Variants in VAV2 observed in about 807,000 individuals in gnomAD.
VAV2 encodes vav guanine nucleotide exchange factor 2, also known as guanine nucleotide exchange factor VAV2.
In VAV2, 67 loss-of-function variants were observed where a neutral mutation model predicts 132.5. The observed-to-expected ratio is 0.51, with a 90% CI of 0.42 to 0.62. The LOEUF (loss-of-function observed/expected upper bound fraction) is 0.62, where lower values mean the gene tolerates loss of function less well. VAV2 is among the 20% of genes least tolerant of loss of function. The probability of loss-of-function intolerance (pLI) is 0.00; values close to 1 mark genes in which losing one functional copy is unlikely to be tolerated. For missense variants in VAV2, 938 were observed against 1,153.6 expected, an observed-to-expected ratio of 0.81 and a Z score of 2.71; for synonymous variants, 492 against 443.5, an observed-to-expected ratio of 1.11 and a Z score of -1.37.
intron 3 of VAV2, among the ~76,000 whole-genome samples, chr9:133,837,872 G>A (rs1346838313): frequency 1.3e-5 from 2 of 152,070 alleles, no homozygotes; most frequent in African/African-American, 4.8e-5. Context: ...AAAGTCCAAA[G>A]AATTATACTG....
chr9:133,799,770 TC>T (rs747666564), intron 9 of VAV2, among the ~76,000 whole-genome samples: 168 of 151,928 alleles, frequency 1.1e-3, no homozygotes, highest in Non-Finnish European at 2.0e-3. Flanking sequence ...AAAAGGGTTT[TC>T]CCCTTTTAAA....
intron 2 of VAV2, among the ~76,000 whole-genome samples, chr9:133,886,894 G>A (rs75289614): frequency 0.014 from 2,078 of 152,350 alleles, 45 homozygotes; most frequent in African/African-American, 0.047. Flanking sequence ...AGGAAAAGGT[G>A]TGTTCCACTC....
chr9:133,821,629 C>T (rs926670175), intron 4 of VAV2, among the ~76,000 whole-genome samples: 1 of 152,228 alleles, frequency 6.6e-6, no homozygotes, highest in Non-Finnish European at 1.5e-5. Flanking sequence ...ATAGTGTGGT[C>T]AGCATTAAAA....
intron 1 of VAV2, among the ~76,000 whole-genome samples, chr9:133,948,841 G>A (rs989715555): frequency 6.6e-6 from 1 of 152,234 alleles, no homozygotes; most frequent in Non-Finnish European, 1.5e-5. Flanking sequence ...TCTACAGGTG[G>A]AGAAACGGCT....
chr9:133,815,192 G>A (rs1835510751), intron 4 of VAV2, among the ~76,000 whole-genome samples: 1 of 151,950 alleles, frequency 6.6e-6, no homozygotes, highest in African/African-American at 2.4e-5. Flanking sequence ...TCCCCCGCCC[G>A]CCTCCCTCTT....
intron 16 of VAV2, among the ~76,000 whole-genome samples, chr9:133,786,328 C>A (rs1019207623): frequency 3.9e-5 from 6 of 152,136 alleles, no homozygotes; most frequent in Admixed American, 3.9e-4. Flanking sequence ...GATGCACATG[C>A]ACCCATGCTG....
At chr9:133,865,292 G>C (rs187388045) in intron 2 of VAV2, among the ~76,000 whole-genome samples, 1 of 152,132 alleles carries the variant, frequency 6.6e-6, no homozygotes, top group African/African-American at 2.4e-5. Flanking sequence ...TGGCCTTCTG[G>C]AAAGAACCCA....
At chr9:133,859,735 G>A (rs1837524989) in intron 3 of VAV2, among the ~76,000 whole-genome samples, 1 of 151,896 alleles carries the variant, frequency 6.6e-6, no homozygotes, top group African/African-American at 2.4e-5. Context: ...CATCATTTCT[G>A]GAAACAAAAA....
rs917429886 is a variant in VAV2 at position 133,857,733 on chromosome 9, G to A, written c.380+3641C>T. On this transcript the variant is annotated intron_variant, in intron 3 of 29. Transcript: ENST00000371850. The surrounding 1 kb of genome is among the most constrained non-coding windows in gnomAD (Gnocchi z 4.0). The stretch of plus-strand genomic sequence containing the variant: ...ATTGCTCAGACGCAGCCACCAAGTG[G>A]GGCTGCCTGGGAGGGTTGCCTGTCA... Among the ~76,000 whole-genome samples, 2 of 152,334 alleles carry A rather than the reference G, an allele frequency of 1.3e-5. No individual in the cohort carries two copies. The highest frequency in any genetic ancestry group is 3.4e-3 in the Middle Eastern group (1 of 294).
At chr9:133,845,301 CCGCATGGCACG>C (rs1471454988) in intron 3 of VAV2, among the ~76,000 whole-genome samples, 1 of 152,246 alleles carries the variant, frequency 6.6e-6, no homozygotes, top group Non-Finnish European at 1.5e-5. Flanking sequence ...GAGGAACAGC[CCGCATGGCACG>C]CCCAAGGCAA....
chr9:133,959,699 G>A (rs1186557617), intron 1 of VAV2, among the ~76,000 whole-genome samples: 2 of 152,232 alleles, frequency 1.3e-5, no homozygotes, highest in African/African-American at 4.8e-5. Flanking sequence ...AGGACCTCAA[G>A]AAGAGGCCAT....
chr9:133,932,038 C>G (rs111665659), intron 2 of VAV2, among the ~76,000 whole-genome samples: 34 of 152,198 alleles, frequency 2.2e-4, no homozygotes, highest in Middle Eastern at 6.3e-3. Flanking sequence ...TCCCTACGGT[C>G]GGAACTATCA....
chr9:133,890,637 C>T (rs2131969888), intron 2 of VAV2, among the ~76,000 whole-genome samples: 1 of 152,180 alleles, frequency 6.6e-6, no homozygotes, highest in South Asian at 2.1e-4. Flanking sequence ...AAGGAATGGC[C>T]CCAGAACCAC....
chr9:133,899,797 G>A (rs1385284255), intron 2 of VAV2, among the ~76,000 whole-genome samples: 2 of 150,020 alleles, frequency 1.3e-5, no homozygotes, highest in Non-Finnish European at 1.5e-5. Flanking sequence ...CGAGGCGGGT[G>A]GATCACGAGG....
At chr9:133,827,248 A>AGCACGG (rs1836038745) in intron 4 of VAV2, among the ~76,000 whole-genome samples, 1 of 17,696 alleles carries the variant, frequency 5.7e-5, no homozygotes, top group African/African-American at 1.4e-4. Context: ...CTGACCACTG[A>AGCACGG]GCGGGGGCAT....
At chr9:133,940,432 T>G (rs913259545) in intron 1 of VAV2, among the ~76,000 whole-genome samples, 1 of 152,162 alleles carries the variant, frequency 6.6e-6, no homozygotes, top group African/African-American at 2.4e-5. Context: ...TTAGACATAG[T>G]GCACGTCAGA....
intron 2 of VAV2, among the ~76,000 whole-genome samples, chr9:133,868,912 A>C (rs2131891920): frequency 6.6e-6 from 1 of 152,306 alleles, no homozygotes; most frequent in South Asian, 2.1e-4. Context: ...GCAGTGGCTC[A>C]TGCCTGTAAT....
intron 4 of VAV2, among the ~76,000 whole-genome samples, chr9:133,812,769 T>C (rs1278106215): frequency 2.6e-5 from 4 of 152,080 alleles, no homozygotes; most frequent in Non-Finnish European, 5.9e-5. Flanking sequence ...CCAAAGAAAT[T>C]CCTACCAAAA....
chr9:133,965,591 T>A (rs1161326149), intron 1 of VAV2, among the ~76,000 whole-genome samples: 1 of 150,220 alleles, frequency 6.7e-6, no homozygotes, highest in African/African-American at 2.5e-5. Context: ...AGGTGAAAGA[T>A]CCCTACAAGA....
Sources: gnomAD v4.1 joint callset for allele counts (sites outside exome capture counted in the v4.1 genomes callset) on GRCh38, gnomAD v4.1.1 for gene constraint, Gnocchi (gnomAD v3.1) non-coding constraint, MANE v1.5 for transcripts, NCBI Gene and HGNC (gene_info 2026-07-23, HGNC 2026-07-21) for gene names.